The following VEPH1 variants were observed in gnomAD, a reference collection of about 807,000 sequenced individuals.
VEPH1 encodes the protein ventricular zone-expressed PH domain-containing protein homolog 1.
A neutral mutation model predicts 85.2 loss-of-function variants in VEPH1; 80 were observed. That is an observed-to-expected ratio of 0.94 (90% confidence interval 0.78 to 1.13). VEPH1 has a LOEUF of 1.13. VEPH1 is among the 50% of genes most tolerant of loss of function. The pLI is 0.00. For missense variants in VEPH1, 955 were observed against 980.5 expected (o/e 0.97, Z 0.35); for synonymous variants, 297 against 348.0 (o/e 0.85, Z 1.63).
chr3:157,286,526 T>G (rs775939720), intron 12 of VEPH1, 31 bp downstream of exon 12: 16 of 1,573,562 alleles, frequency 1.0e-5, no homozygotes, highest in Non-Finnish European at 1.4e-5. Flanking sequence ...GGGGCACAAA[T>G]GGTTCTTAGC....
chr3:157,338,372 C>A (rs933281492), intron 9 of VEPH1, among the ~76,000 whole-genome samples: 6 of 152,152 alleles, frequency 3.9e-5, no homozygotes, highest in Non-Finnish European at 8.8e-5. Context: ...ACTTCTCTAC[C>A]TTTATGAATA....
intron 4 of VEPH1, among the ~76,000 whole-genome samples, chr3:157,441,825 T>C (rs1437507290): frequency 3.5e-5 from 5 of 143,940 alleles, no homozygotes; most frequent in Non-Finnish European, 6.1e-5. Context: ...AAAAAAAAAA[T>C]GTATTCTGCA....
intron 9 of VEPH1, among the ~76,000 whole-genome samples, chr3:157,343,595 G>A (rs1395558415): frequency 6.6e-6 from 1 of 152,080 alleles, no homozygotes; most frequent in Non-Finnish European, 1.5e-5. Flanking sequence ...TTCTACCAGA[G>A]GTACAAGGAG....
At chr3:157,438,037 GCACACACA>G (rs781700719) in intron 4 of VEPH1, 28 of 516,024 alleles carry the variant, frequency 5.4e-5, no homozygotes, top group Admixed American at 1.7e-4. Flanking sequence ...GCGCGCGCGC[GCACACACA>G]CACACACACA....
At position 157,492,948 on chromosome 3, in the gene VEPH1, C is replaced by T. The variant is rs368710989; in HGVS notation, c.138+2264G>A. On this transcript the variant is annotated intron_variant, in intron 2 of 13. Transcript: ENST00000362010. ...GTAAAGTACTGTTTCTTTGGGGCAC[C>T]GTCCTCATGATAAATCACCCCCTGC... Among the ~76,000 whole-genome samples the T allele has an allele frequency of 1.4e-4, 21 of 152,102 alleles. No homozygotes were observed. In the East Asian group the frequency reaches 3.9e-3, roughly 28 times the overall value.
intron 6 of VEPH1, chr3:157,410,023 A>G (rs1341068353): frequency 1.2e-6 from 1 of 819,576 alleles, no homozygotes; most frequent in Non-Finnish European, 1.5e-6. Context: ...CAAAAGTTGG[A>G]GCAGGATCTC....
intron 4 of VEPH1, among the ~76,000 whole-genome samples, chr3:157,431,028 T>C (rs1733107030): frequency 6.6e-6 from 1 of 152,160 alleles, no homozygotes; most frequent in Non-Finnish European, 1.5e-5. Flanking sequence ...AATCTCATCT[T>C]GAATTGTAAT....
chr3:157,314,048 C>T (rs994837364), intron 10 of VEPH1, among the ~76,000 whole-genome samples: 1 of 151,356 alleles, frequency 6.6e-6, no homozygotes, highest in Non-Finnish European at 1.5e-5. Context: ...AAAAATTAAA[C>T]GAGGCCGAGC....
intron 2 of VEPH1, among the ~76,000 whole-genome samples, chr3:157,480,432 G>A (rs1400275773): frequency 6.6e-6 from 1 of 152,104 alleles, no homozygotes; most frequent in Non-Finnish European, 1.5e-5. Flanking sequence ...ACAATAGGAA[G>A]TTTTTCATTC....
At chr3:157,314,441 A>C (rs952999968) in intron 10 of VEPH1, among the ~76,000 whole-genome samples, 2 of 150,554 alleles carry the variant, frequency 1.3e-5, no homozygotes, top group African/African-American at 4.9e-5. Context: ...ATTTCATAGT[A>C]TTTTCAAGGC....
chr3:157,397,280 A>G (rs1056433759), intron 6 of VEPH1, among the ~76,000 whole-genome samples: 1 of 151,938 alleles, frequency 6.6e-6, no homozygotes, highest in Non-Finnish European at 1.5e-5. Context: ...ATTCTGTTCC[A>G]TTGGTCTATG....
At chr3:157,416,226 A>T (rs1374720013) in intron 5 of VEPH1, among the ~76,000 whole-genome samples, 4 of 152,216 alleles carry the variant, frequency 2.6e-5, no homozygotes, top group Non-Finnish European at 4.4e-5. Flanking sequence ...AAAGAGTTGT[A>T]CACAATGTTT....
In VEPH1 at chr3:157,317,938, C is replaced by T. The variant is rs576132419; in HGVS notation, c.1736-737G>A. On this transcript the variant is annotated intron_variant, in intron 9 of 13. Transcript: ENST00000362010. ...TCCACATGTGTTATGTGTTTGACTTCATTTAATTTTACCCTACAAGATGGG... is the reference window on the plus strand; with the variant it reads ...TCCACATGTGTTATGTGTTTGACTTTATTTAATTTTACCCTACAAGATGGG... Among the ~76,000 whole-genome samples the T allele has an allele frequency of 5.3e-5, 8 of 152,276 alleles. No individual in the cohort carries two copies. In the South Asian group the frequency reaches 1.7e-3, roughly 32 times the overall value.
intron 7 of VEPH1, among the ~76,000 whole-genome samples, chr3:157,365,843 A>G (rs781018932): frequency 6.6e-6 from 1 of 152,140 alleles, no homozygotes; most frequent in Non-Finnish European, 1.5e-5. Context: ...GTGTTCACCA[A>G]TCTGGAAGTT....
chr3:157,384,768 G>T (rs545571896), intron 6 of VEPH1, among the ~76,000 whole-genome samples: 1 of 152,214 alleles, frequency 6.6e-6, no homozygotes, highest in African/African-American at 2.4e-5. Flanking sequence ...AGGGGTAACA[G>T]ATGTGATTTT....
Position 157,261,156 on chromosome 3 carries a change from C to G in VEPH1, c.2480G>C (p.Arg827Thr), listed in dbSNP as rs1453284906. 1 of 1,613,778 alleles carries G rather than the reference C, an allele frequency of 6.2e-7. No homozygotes were observed. The highest frequency in any genetic ancestry group is 1.1e-5 in the South Asian group (1 of 91,072). The change falls in exon 14 of 14, where the codon AGA (arginine) becomes ACA (threonine). Residue 827 changes from arginine to threonine, a missense_variant. Physicochemically the swap from Arg to Thr is moderately conservative, Grantham distance 71 (BLOSUM62 -1). Coordinates refer to ENST00000362010, the MANE Select transcript of VEPH1 (RefSeq NM_001167912.2). Reference protein sequence around the residue: ...AVAQAKERESREVTTYL With the variant: ...AVAQAKERESTEVTTYL ...TCCCTACAGATATGTGGTTACTTCTCTACTTTCCCTTTCTTTGGCTTGGGC... is the reference window on the plus strand; with the variant it reads ...TCCCTACAGATATGTGGTTACTTCTGTACTTTCCCTTTCTTTGGCTTGGGC...
chr3:157,291,001 A>C (rs1365158881), intron 11 of VEPH1, among the ~76,000 whole-genome samples: 1 of 152,196 alleles, frequency 6.6e-6, no homozygotes, highest in Non-Finnish European at 1.5e-5. Context: ...GTACTTTGAG[A>C]GGGTACTGTG....
chr3:157,357,033 T>C (rs34663304), intron 9 of VEPH1, among the ~76,000 whole-genome samples: 6,348 of 152,278 alleles, frequency 0.042, 211 homozygotes, highest in South Asian at 0.11. Flanking sequence ...TCTATCTTAA[T>C]AATAATACAT....
chr3:157,279,742 G>A (rs971933425), intron 12 of VEPH1, among the ~76,000 whole-genome samples: 2 of 152,138 alleles, frequency 1.3e-5, no homozygotes, highest in South Asian at 4.1e-4. Flanking sequence ...TGTCAGTTGG[G>A]CCTGGTGGCT....
Sources: gnomAD v4.1 joint callset for allele counts (sites outside exome capture counted in the v4.1 genomes callset) on GRCh38, gnomAD v4.1.1 for gene constraint, MANE v1.5 for transcripts, NCBI Gene and HGNC (gene_info 2026-07-23, HGNC 2026-07-21) for gene names.